ATP8B4: variants seen among roughly 807,000 people sequenced by gnomAD.
ATP8B4 encodes ATPase phospholipid transporting 8B4 (putative), also known as probable phospholipid-transporting ATPase IM.
ATP8B4 carries 133 observed loss-of-function variants against 145.6 expected under a neutral mutation model. The observed-to-expected ratio is 0.91, with a 90% CI of 0.79 to 1.05. The LOEUF (loss-of-function observed/expected upper bound fraction) is 1.05. Among genes scored for constraint, ATP8B4 ranks in the 50% least tolerant of loss-of-function variants. ATP8B4 has a pLI of 0.00. For missense variants in ATP8B4, 1,458 were observed against 1,425.2 expected (o/e 1.02, Z -0.37); for synonymous variants, 507 against 492.9 (o/e 1.03, Z -0.38).
chr15:50,043,598 T>C (rs530781912), intron 5 of ATP8B4, among the ~76,000 whole-genome samples: 29 of 152,298 alleles, frequency 1.9e-4, no homozygotes, highest in African/African-American at 7.0e-4. Context: ...ATAGCATATA[T>C]ATTTCTCTTC....
chr15:50,084,047 C>T (rs1045961943), intron 2 of ATP8B4, among the ~76,000 whole-genome samples: 2 of 152,102 alleles, frequency 1.3e-5, no homozygotes, highest in African/African-American at 4.8e-5. Flanking sequence ...CCTGCCTGTC[C>T]CAGGCAGCTC....
intron 14 of ATP8B4, among the ~76,000 whole-genome samples, chr15:49,949,224 T>C (rs1414380774): frequency 1.3e-5 from 2 of 152,344 alleles, no homozygotes; most frequent in African/African-American, 2.4e-5. Flanking sequence ...GGTAGTTTGA[T>C]GGGAATAGCA....
intron 13 of ATP8B4, among the ~76,000 whole-genome samples, chr15:49,969,294 T>C (rs907324389): frequency 1.3e-5 from 2 of 152,016 alleles, no homozygotes; most frequent in African/African-American, 4.8e-5. Context: ...TGGAAGGAGA[T>C]AGAGACACGA....
intron 26 of ATP8B4, 58 bp from the exon 27 acceptor site, chr15:49,862,433 T>A: frequency 1.3e-6 from 2 of 1,554,984 alleles, no homozygotes; most frequent in Non-Finnish European, 1.7e-6. Flanking sequence ...AATTATTAAT[T>A]AATAGGTTCT....
chr15:50,020,100 G>A (rs1440304513), intron 6 of ATP8B4, among the ~76,000 whole-genome samples: 2 of 151,878 alleles, frequency 1.3e-5, no homozygotes, highest in Non-Finnish European at 2.9e-5. Context: ...AACTGCAGGT[G>A]CACACCACCA....
At chr15:49,941,525 T>G (rs1052927757) in intron 14 of ATP8B4, among the ~76,000 whole-genome samples, 2 of 152,242 alleles carry the variant, frequency 1.3e-5, no homozygotes, top group Admixed American at 6.5e-5. Flanking sequence ...AAAAATTCAG[T>G]TCCTACAATA....
At chr15:50,072,980 CTATATATATATA>C (rs374525582) in intron 3 of ATP8B4, among the ~76,000 whole-genome samples, 321 of 22,834 alleles carry the variant, frequency 0.014, 5 homozygotes, top group Admixed American at 0.018. Flanking sequence ...CTCTCTCTCT[CTATATATATATA>C]TATATATATA....
At chr15:50,099,909 C>T (rs543351512) in intron 2 of ATP8B4, among the ~76,000 whole-genome samples, 22 of 151,888 alleles carry the variant, frequency 1.4e-4, no homozygotes, top group Non-Finnish European at 3.1e-4. Flanking sequence ...GTGGTGCATG[C>T]CTGTAATCCC....
intron 1 of ATP8B4, among the ~76,000 whole-genome samples, chr15:50,146,206 G>C (rs1357266603): frequency 6.6e-6 from 1 of 151,934 alleles, no homozygotes. Flanking sequence ...TAGAGACGGG[G>C]TTTCACCATC....
At chr15:50,156,492 A>G (rs755096779) in intron 1 of ATP8B4, among the ~76,000 whole-genome samples, 1 of 152,052 alleles carries the variant, frequency 6.6e-6, no homozygotes, top group Non-Finnish European at 1.5e-5. Context: ...GCCATTTAAT[A>G]CTCACCCCCT....
chr15:49,861,559 C>T (rs2031818192), intron 27 of ATP8B4, among the ~76,000 whole-genome samples: 1 of 152,122 alleles, frequency 6.6e-6, no homozygotes, highest in Non-Finnish European at 1.5e-5. Context: ...CATGTTCCCC[C>T]TTCTCATGAC....
chr15:50,123,975 G>A (rs2057291116), upstream of ATP8B4, among the ~76,000 whole-genome samples: 3 of 152,116 alleles, frequency 2.0e-5, no homozygotes, highest in South Asian at 6.2e-4. Context: ...GCACCCCAGA[G>A]CAGTTATTCA....
At chr15:50,145,386 C>T (rs1041444319) in intron 1 of ATP8B4, among the ~76,000 whole-genome samples, 1 of 152,060 alleles carries the variant, frequency 6.6e-6, no homozygotes, top group Non-Finnish European at 1.5e-5. Context: ...CAGTATATTA[C>T]ATTACTGAGG....
intron 21 of ATP8B4, among the ~76,000 whole-genome samples, chr15:49,899,036 C>T (rs1170318655): frequency 6.6e-6 from 1 of 152,162 alleles, no homozygotes; most frequent in Non-Finnish European, 1.5e-5. Flanking sequence ...TCATCAGTAT[C>T]TTTGAGTGAA....
chr15:50,068,184 T>A (rs2053505327), intron 3 of ATP8B4, among the ~76,000 whole-genome samples: 1 of 151,956 alleles, frequency 6.6e-6, no homozygotes, highest in Admixed American at 6.6e-5. Context: ...GAGAGAGAAG[T>A]TTGCTGACTG....
chr15:50,039,866 A>G (rs184012282), intron 5 of ATP8B4, among the ~76,000 whole-genome samples: 1 of 152,362 alleles, frequency 6.6e-6, no homozygotes, highest in East Asian at 1.9e-4. Context: ...ACTCAGAATG[A>G]CAGGTATAAG....
intron 1 of ATP8B4, among the ~76,000 whole-genome samples, chr15:50,170,471 G>A (rs931599746): frequency 6.7e-6 from 1 of 148,582 alleles, no homozygotes; most frequent in Non-Finnish European, 1.5e-5. Context: ...ACAAACAAAT[G>A]CTGAGAGAAT....
At chr15:50,031,458 C>T (rs1421159841) in intron 6 of ATP8B4, among the ~76,000 whole-genome samples, 1 of 152,132 alleles carries the variant, frequency 6.6e-6, no homozygotes, top group Non-Finnish European at 1.5e-5. Context: ...ATGGAGGGTA[C>T]ATCAATTCTC....
chr15:49,877,168 C>T (rs1050742889), intron 24 of ATP8B4, among the ~76,000 whole-genome samples: 7 of 152,170 alleles, frequency 4.6e-5, no homozygotes, highest in African/African-American at 1.7e-4. Context: ...GAAGGTGGCA[C>T]ATTTGACACC....
Sources: gnomAD v4.1 joint callset for allele counts (sites outside exome capture counted in the v4.1 genomes callset) on GRCh38, gnomAD v4.1.1 for gene constraint, MANE v1.5 for transcripts, NCBI Gene and HGNC (gene_info 2026-07-23, HGNC 2026-07-21) for gene names.